The following SLC22A25 variants were observed in gnomAD, a reference collection of about 807,000 sequenced individuals.
The protein encoded by SLC22A25 is solute carrier family 22 member 25, also known as MGI:2442751, MGI:2385316, MGI:3042283, MGI:3645714, MGI:3605624, MGI:2442750.
In SLC22A25, 44 loss-of-function variants were observed where a neutral mutation model predicts 45.9. The observed-to-expected ratio is 0.96, with a 90% CI of 0.75 to 1.23. The LOEUF is 1.23. SLC22A25 is among the 50% of genes most tolerant of loss of function. SLC22A25 has a pLI of 0.00. For missense variants in SLC22A25, 800 were observed against 666.4 expected, an observed-to-expected ratio of 1.20 and a Z score of -2.21; for synonymous variants, 283 against 238.6, an observed-to-expected ratio of 1.19 and a Z score of -1.72.
At chr11:63,223,018 T>C (rs1463204382) in intron 5 of SLC22A25, among the ~76,000 whole-genome samples, 1 of 152,064 alleles carries the variant, frequency 6.6e-6, no homozygotes, top group Non-Finnish European at 1.5e-5. Context: ...TGTTGCTGAA[T>C]TCAATTTGCT....
At chr11:63,170,737 A>G (rs111601953) in intron 9 of SLC22A25, among the ~76,000 whole-genome samples, 2,799 of 151,500 alleles carry the variant, frequency 0.018, 74 homozygotes, top group African/African-American at 0.052. Context: ...CCAGAGGTGC[A>G]AAGAGGAGTT....
At position 63,217,396 on chromosome 11, in the gene SLC22A25, T is replaced by C. The variant is rs11231409; in HGVS notation, c.748A>G (p.Ser250Gly). ...AASIGHITLG[S>G]LAFVIRDQCI... ...TGGTCTCGAATGACAAAAGCCAGGC[T>C]TCCCAGGGTTATATGTCCAATACTA... Residue 250 changes from serine to glycine, a missense_variant, in exon 7 of 12, where the codon AGC becomes GGC. Ser to Gly is a moderately conservative substitution (Grantham distance 56). Transcript: ENST00000306494. 616,645 of 1,613,600 alleles carry C rather than the reference T, an allele frequency of 0.38. 121,061 individuals are homozygous for C. Among genetic ancestry groups the C allele is most frequent in the East Asian group, 0.58 (26,197 of 44,816 alleles).
At chr11:63,218,474 C>T (rs1236031456) in intron 5 of SLC22A25, among the ~76,000 whole-genome samples, 1 of 152,118 alleles carries the variant, frequency 6.6e-6, no homozygotes, top group African/African-American at 2.4e-5. Flanking sequence ...ATGTAACAAA[C>T]CTGCACATGC....
chr11:63,243,412 T>C (rs2090284702), intron 1 of SLC22A25, 22 bp downstream of exon 1: 2 of 723,890 alleles, frequency 2.8e-6, no homozygotes, highest in Non-Finnish European at 5.2e-6. Context: ...AAGAAAAGGT[T>C]TTCCCTCTGG....
chr11:63,186,480 C>T (rs2088552734), intron 7 of SLC22A25, among the ~76,000 whole-genome samples: 1 of 150,612 alleles, frequency 6.6e-6, no homozygotes. Flanking sequence ...AAAATTTTCT[C>T]CCATTCTGTA....
At chr11:63,177,685 T>C (rs2088143232) in intron 9 of SLC22A25, among the ~76,000 whole-genome samples, 1 of 151,388 alleles carries the variant, frequency 6.6e-6, no homozygotes. Context: ...ATAATTTAAC[T>C]TAAAATAATG....
intron 3 of SLC22A25, among the ~76,000 whole-genome samples, chr11:63,231,969 T>C (rs1323760421): frequency 6.6e-6 from 1 of 152,194 alleles, no homozygotes; most frequent in Non-Finnish European, 1.5e-5. Flanking sequence ...TTCTGAGGGC[T>C]CTGTTCTGTT....
chr11:63,171,831 A>G (rs2087898477), intron 9 of SLC22A25, among the ~76,000 whole-genome samples: 1 of 152,234 alleles, frequency 6.6e-6, no homozygotes, highest in Non-Finnish European at 1.5e-5. Flanking sequence ...GGATTTTAAA[A>G]AAGCTTGTAT....
chr11:63,234,312 T>C (rs2090125095), intron 3 of SLC22A25, among the ~76,000 whole-genome samples: 1 of 152,236 alleles, frequency 6.6e-6, no homozygotes, highest in Admixed American at 6.5e-5. Flanking sequence ...TTTATGAATC[T>C]GGGTGCTCCT....
At chr11:63,187,048 G>A (rs568481563) in intron 7 of SLC22A25, among the ~76,000 whole-genome samples, 174 of 152,200 alleles carry the variant, frequency 1.1e-3, no homozygotes, top group Admixed American at 5.4e-3. Flanking sequence ...GGTTCCATAT[G>A]AACTTTAAAG....
chr11:63,193,418 C>G (rs372248035), intron 7 of SLC22A25, among the ~76,000 whole-genome samples: 1 of 152,184 alleles, frequency 6.6e-6, no homozygotes, highest in Non-Finnish European at 1.5e-5. Context: ...CAACTGGGTG[C>G]CCCCCTGAGA....
chr11:63,184,200 A>G (rs2088434736), intron 7 of SLC22A25, among the ~76,000 whole-genome samples: 1 of 152,116 alleles, frequency 6.6e-6, no homozygotes, highest in South Asian at 2.1e-4. Flanking sequence ...GAAATAATTG[A>G]TGTATGCTTG....
At chr11:63,203,807 A>C (rs2089318565) in intron 7 of SLC22A25, among the ~76,000 whole-genome samples, 1 of 152,178 alleles carries the variant, frequency 6.6e-6, no homozygotes, top group South Asian at 2.1e-4. Context: ...AATACAGAGA[A>C]CACCACAAAG....
chr11:63,225,154 A>G (rs919370953), intron 5 of SLC22A25, among the ~76,000 whole-genome samples: 1 of 152,186 alleles, frequency 6.6e-6, no homozygotes, highest in Non-Finnish European at 1.5e-5. Flanking sequence ...AAGTTGTTTT[A>G]GTTAGTTTAT....
intron 7 of SLC22A25, among the ~76,000 whole-genome samples, chr11:63,194,727 T>C (rs373867042): frequency 6.6e-6 from 1 of 151,492 alleles, no homozygotes; most frequent in East Asian, 1.9e-4. Flanking sequence ...TAGCTTTAAA[T>C]GTAAATGCAC....
At chr11:63,223,210 C>T (rs2089889929) in intron 5 of SLC22A25, among the ~76,000 whole-genome samples, 1 of 151,908 alleles carries the variant, frequency 6.6e-6, no homozygotes, top group South Asian at 2.1e-4. Flanking sequence ...CGTATGACTT[C>T]TTTAAATGTT....
chr11:63,229,495 A>T lies in SLC22A25; in HGVS notation c.158T>A (p.Ile53Lys). The T allele has an allele frequency of 6.2e-7, 1 of 1,614,184 alleles. No individual in the cohort carries two copies. The stretch of plus-strand genomic sequence containing the variant: ...GTCAGGGATAGTGTCATTGTCCAGT[A>T]TATGAACCCAGCAGCGATGATCAAG... ...FILDHRCWVHILDNDTIPDND... is the reference protein window; with the variant it reads ...FILDHRCWVHKLDNDTIPDND... The change falls in exon 4 of 12, where the codon ATA becomes AAA. Residue 53 changes from isoleucine to lysine, a missense_variant. Transcript: ENST00000306494.
intron 3 of SLC22A25, among the ~76,000 whole-genome samples, chr11:63,232,960 A>C (rs927248767): frequency 1.3e-5 from 2 of 152,156 alleles, no homozygotes; most frequent in Non-Finnish European, 2.9e-5. Context: ...ATGTTGAGCC[A>C]GCCTTGCATC....
chr11:63,229,150 T>A lies in SLC22A25; in HGVS notation c.402+101A>T, dbSNP rs185917245. The A allele has an allele frequency of 2.1e-4, 256 of 1,224,444 alleles. No individual in the cohort carries two copies. In the African/African-American group the frequency reaches 3.4e-3, roughly 16 times the overall value. 75.8% of individuals were successfully genotyped at this position (1,224,444 alleles called of 1,614,324 possible). On this transcript the variant is annotated intron_variant, in intron 4 of 11. Transcript: ENST00000306494. ...TAATGTTTCCTGAAAGAATGAAGAATAAGCACCTACATGTGACTAAAGGCT... is the reference window on the plus strand; with the variant it reads ...TAATGTTTCCTGAAAGAATGAAGAAAAAGCACCTACATGTGACTAAAGGCT...
Sources: allele counts gnomAD v4.1 joint callset (sites outside exome capture counted in the v4.1 genomes callset), GRCh38; gene constraint gnomAD v4.1.1; transcripts MANE v1.5; gene names NCBI Gene and HGNC (gene_info 2026-07-23, HGNC 2026-07-21).